SCRIB: variants seen among roughly 807,000 people sequenced by gnomAD.
The protein encoded by SCRIB is protein scribble homolog.
Under a neutral mutation model 170.0 loss-of-function variants are expected in SCRIB, and 72 were observed. The observed-to-expected ratio is 0.42, with a 90% CI of 0.35 to 0.52. SCRIB has a LOEUF of 0.52. Ranked by LOEUF, SCRIB falls within the 20% of genes least tolerant of loss-of-function variation. SCRIB has a pLI of 0.02. For missense variants in SCRIB, 2,475 were observed against 2,338.5 expected (o/e 1.06, Z -1.20); for synonymous variants, 1,298 against 1,044.3 (o/e 1.24, Z -4.68).
At position 143,803,409 on chromosome 8, in the gene SCRIB, C is replaced by G. The variant is rs782149373; in HGVS notation, c.3577G>C (p.Glu1193Gln). 43 of 1,587,608 alleles carry G rather than the reference C, an allele frequency of 2.7e-5. No homozygotes were observed. The South Asian group carries it at 4.0e-4, about 15-fold the overall frequency. The change falls in exon 24 of 37, where the codon GAG (glutamate) becomes CAG (glutamine). Residue 1193 changes from glutamate to glutamine, a missense_variant. Glu to Gln is a conservative substitution (Grantham distance 29). Transcript: ENST00000356994. ...TCCAGGGCTGCGTCGGTGCTGGCCT[C>G]AAAGCCGTCACAGACCAGCACGGTG... Reference protein sequence around the residue: ...TLTVLVCDGFEASTDAALEVS... With the variant: ...TLTVLVCDGFQASTDAALEVS...
intron 35 of SCRIB, 66 bp from the exon 36 acceptor site, chr8:143,791,506 T>G (rs2129976462): frequency 6.3e-7 from 1 of 1,595,956 alleles, no homozygotes; most frequent in East Asian, 2.3e-5. Context: ...GGTGGACGGG[T>G]GGGCTCCCAG....
chr8:143,794,130 C>T (rs1814833670), intron 27 of SCRIB, 168 bp from the exon 28 acceptor site: 7 of 620,726 alleles, frequency 1.1e-5, no homozygotes, highest in Non-Finnish European at 2.0e-5. Context: ...CGGAGGGGCT[C>T]GTCCCCGTTC....
intron 9 of SCRIB, 50 bp from the exon 10 acceptor site, chr8:143,811,395 G>A: frequency 1.3e-6 from 2 of 1,538,392 alleles, no homozygotes; most frequent in Non-Finnish European, 1.8e-6. Context: ...CTGGGGGTGG[G>A]AAGGAGATGA....
Position 143,815,326 on chromosome 8 carries a change from G to A in SCRIB, c.47C>T (p.Ser16Leu), listed in dbSNP as rs1816029750. The change falls in exon 1 of 37, where the codon TCG becomes TTG. Residue 16 changes from serine to leucine, a missense_variant. Ser to Leu is a moderately radical substitution (Grantham distance 145). Coordinates refer to ENST00000356994, the MANE Select transcript of SCRIB (RefSeq NM_182706.5). Reference sequence around the variant, plus strand: ...CAGCGAACAGTGCCGCTTGTCCACCGACTCCACGTGCCGGTTGCAGCGCCA... The same window carrying A: ...CAGCGAACAGTGCCGCTTGTCCACCAACTCCACGTGCCGGTTGCAGCGCCA... ...PLWRCNRHVE[S>L]VDKRHCSLQA... 5 of 1,570,478 alleles carry A rather than the reference G, an allele frequency of 3.2e-6. No homozygotes were observed. In the South Asian group the frequency reaches 5.8e-5, roughly 18 times the overall value.
chr8:143,801,756 C>T (rs782449018), intron 24 of SCRIB, among the ~76,000 whole-genome samples: 1 of 152,222 alleles, frequency 6.6e-6, no homozygotes, highest in Non-Finnish European at 1.5e-5. Flanking sequence ...CTCAGCCCCA[C>T]TGCTCGGGAC....
Position 143,793,000 on chromosome 8 carries a change from G to C in SCRIB, c.3993C>G (p.His1331Gln), listed in dbSNP as rs782172787. Residue 1331 changes from histidine to glutamine, a missense_variant, in exon 29 of 37, where the codon CAC becomes CAG. By Grantham distance (24) the His-to-Gln change is conservative (BLOSUM62 0). Around this residue, in one of 3 missense-constraint regions of SCRIB, gnomAD observed 1,966 missense variants for 1,742.9 expected, o/e 1.13. Coordinates refer to ENST00000356994, the MANE Select transcript of SCRIB (RefSeq NM_182706.5). ...YRAFAAVPTS[H>Q]PPEDAPAQPP... ...CCTGGGCAGGGGCATCCTCAGGCGG[G>C]TGAGAAGTGGGCACGGCCGCGAAGG... 1 of 1,515,022 alleles carries C rather than the reference G, an allele frequency of 6.6e-7. No homozygotes were observed. Among genetic ancestry groups the C allele is most frequent in the African/African-American group, 1.4e-5 (1 of 71,952 alleles). The allele number at this position is 1,515,022 out of a possible 1,614,324, so 93.8% of individuals were successfully genotyped here. A position where few individuals can be genotyped will look rare whatever the true frequency, so the allele number is the denominator to read the frequency against.
At position 143,791,302 on chromosome 8, in the gene SCRIB, T is replaced by G. The variant is rs1554632543; in HGVS notation, c.4829A>C (p.Gln1610Pro). 6.4e-7 allele frequency: 1 copy of G among 1,565,782 alleles called. No individual in the cohort carries two copies. Among genetic ancestry groups the G allele is most frequent in the East Asian group, 2.3e-5 (1 of 43,106 alleles). ...CAGAGCCACTTCTCCATCCTCCTCC[T>G]GCGGGCCTGGAGGGCAGGGACAGGT... Reference protein sequence around the residue: ...SLEPSPSPGPQEEDGEVALVL... With the variant: ...SLEPSPSPGPPEEDGEVALVL... The change falls in exon 37 of 37, where the codon CAG becomes CCG. Residue 1610 changes from glutamine to proline, a missense_variant. By Grantham distance (76) the Gln-to-Pro change is moderately conservative (BLOSUM62 -1). Around this residue, in one of 3 missense-constraint regions of SCRIB, gnomAD observed 1,966 missense variants for 1,742.9 expected, o/e 1.13. Transcript: ENST00000356994.
At chr8:143,810,164 G>A (rs529526176) in intron 13 of SCRIB, among the ~76,000 whole-genome samples, 10 of 152,074 alleles carry the variant, frequency 6.6e-5, no homozygotes, top group African/African-American at 1.2e-4. Flanking sequence ...CCCAGGTGCC[G>A]ATGACACCCA....
In SCRIB at chr8:143,795,132, A is replaced by G. The variant is rs782446200; in HGVS notation, c.3772-20T>C. Reference sequence around the variant, plus strand: ...CCGACCCTGGGGGCAGAGTGAACACAGCACTAGCAGGGGTAGCTCCGTGGC... The same window carrying G: ...CCGACCCTGGGGGCAGAGTGAACACGGCACTAGCAGGGGTAGCTCCGTGGC... On this transcript the variant is annotated intron_variant, in intron 26 of 36. Transcript: ENST00000356994. 50 of 1,608,698 alleles carry G rather than the reference A, an allele frequency of 3.1e-5. No individual in the cohort carries two copies. In the Middle Eastern group the frequency reaches 1.3e-3, roughly 43 times the overall value.
chr8:143,810,258 A>G (rs1347502856), intron 13 of SCRIB, among the ~76,000 whole-genome samples: 1 of 149,014 alleles, frequency 6.7e-6, no homozygotes, highest in Non-Finnish European at 1.5e-5. Flanking sequence ...TTCTCCCCAT[A>G]CTCCAGCCCC....
chr8:143,791,121 G>A lies in SCRIB; in HGVS notation c.*42C>T. 7.2e-7 allele frequency: 1 copy of A among 1,385,362 alleles called. No homozygotes were observed. The highest frequency in any genetic ancestry group is 9.3e-7 in the Non-Finnish European group (1 of 1,070,022). The allele number at this position is 1,385,362 out of a possible 1,614,324, so 85.8% of individuals were successfully genotyped here. Reference sequence around the variant, plus strand: ...TTGGGGCAAGGGTGGTGCTGGAGCTGGCAGGGCCCCCACCCCAAGTCTGGG... The same window carrying A: ...TTGGGGCAAGGGTGGTGCTGGAGCTAGCAGGGCCCCCACCCCAAGTCTGGG... On this transcript the variant is annotated 3_prime_UTR_variant, in exon 37 of 37. Coordinates refer to ENST00000356994, the MANE Select transcript of SCRIB (RefSeq NM_182706.5).
intron 21 of SCRIB, 129 bp downstream of exon 21, chr8:143,804,439 A>T: frequency 1.0e-6 from 1 of 970,092 alleles, no homozygotes; most frequent in Non-Finnish European, 1.5e-6. Context: ...AAGGAGCTGC[A>T]GGGGAAAGGG....
chr8:143,791,923 CAAG>C lies in SCRIB; in HGVS notation c.4658-13_4658-11del. On this transcript the variant is annotated splice_polypyrimidine_tract_variant and intron_variant, in intron 33 of 36. Transcript: ENST00000356994. Reference sequence around the variant, plus strand: ...GTCTGGGGGCCGAGGTCTGGGGGGACAAGAAGCGGGCATTGGAAGCAGCCCATG... The same window carrying C: ...GTCTGGGGGCCGAGGTCTGGGGGGACAAGCGGGCATTGGAAGCAGCCCATG... 1 of 1,513,540 alleles carries C rather than the reference CAAG, an allele frequency of 6.6e-7. No individual in the cohort carries two copies. Among genetic ancestry groups the C allele is most frequent in the Non-Finnish European group, 8.8e-7 (1 of 1,130,460 alleles). The allele number at this position is 1,513,540 out of a possible 1,614,324, so 93.8% of individuals were successfully genotyped here.
rs769507179 is a variant in SCRIB at position 143,813,493 on chromosome 8, C to T, written c.480G>A (p.Glu160=). Residue 160 remains glutamate (E), a synonymous_variant, in exon 5 of 37, where the codon GAG becomes GAA. Transcript: ENST00000356994. Reference sequence around the variant, plus strand: ...ACGCTGGCAGGGACTTGAGCAGGTTCTCCCGGAGCTCCAGGGTCACCAGGT... The same window carrying T: ...ACGCTGGCAGGGACTTGAGCAGGTTTTCCCGGAGCTCCAGGGTCACCAGGT... ...LANLVTLELR[E]NLLKSLPASL... The T allele has an allele frequency of 1.2e-6, 2 of 1,613,104 alleles. No individual in the cohort carries two copies. Among genetic ancestry groups the T allele is most frequent in the African/African-American group, 2.7e-5 (2 of 74,944 alleles).
chr8:143,804,850 G>A lies in SCRIB; in HGVS notation c.2752-25C>T, dbSNP rs782452644. The A allele has an allele frequency of 3.7e-6, 5 of 1,346,260 alleles. No homozygotes were observed. In the African/African-American group the frequency reaches 5.9e-5, roughly 16 times the overall value. The allele number at this position is 1,346,260 out of a possible 1,614,324, so 83.4% of individuals were successfully genotyped here. A position where few individuals can be genotyped will look rare whatever the true frequency, so the allele number is the denominator to read the frequency against. ...TCTGTGAGAGCGTGCCCGAATCAGGGAGGCCCAAGGGCAGAAGGGGACAGA... is the reference window on the plus strand; with the variant it reads ...TCTGTGAGAGCGTGCCCGAATCAGGAAGGCCCAAGGGCAGAAGGGGACAGA... On this transcript the variant is annotated intron_variant, in intron 20 of 36. Coordinates refer to ENST00000356994, the MANE Select transcript of SCRIB (RefSeq NM_182706.5).
chr8:143,809,644 C>G lies in SCRIB; in HGVS notation c.1605G>C (p.Glu535Asp). Residue 535 changes from glutamate to aspartate, a missense_variant, in exon 14 of 37, where the codon GAG (glutamate) becomes GAC (aspartate). By Grantham distance (45) the Glu-to-Asp change is conservative. Coordinates refer to ENST00000356994, the MANE Select transcript of SCRIB (RefSeq NM_182706.5). ...RPSASTVSEA[E>D]PEGPSAEAQG... ...GTGCCTCAGCCGACGGGCCCTCGGG[C>G]TCAGCCTCAGAGACTGTGCTGGCAG... 6.2e-7 allele frequency: 1 copy of G among 1,611,258 alleles called. No individual in the cohort carries two copies. The highest frequency in any genetic ancestry group is 8.5e-7 in the Non-Finnish European group (1 of 1,179,940).
chr8:143,810,087 A>G (rs1020955904), intron 13 of SCRIB, among the ~76,000 whole-genome samples: 1 of 151,724 alleles, frequency 6.6e-6, no homozygotes, highest in Non-Finnish European at 1.5e-5. Context: ...CCAAAAACCC[A>G]CAGCACGCAT....
intron 13 of SCRIB, among the ~76,000 whole-genome samples, 185 bp from the exon 14 acceptor site, chr8:143,809,903 G>A (rs968107594): frequency 6.6e-6 from 1 of 152,184 alleles, no homozygotes; most frequent in African/African-American, 2.4e-5. Context: ...CGCCTCCAAA[G>A]CCTAGGGTGG....
Position 143,791,232 on chromosome 8 carries a change from A to G in SCRIB, c.4899T>C (p.Asp1633=). ...RPSPGAVGPE[D]VALCSSRRPV... Reference sequence around the variant, plus strand: ...GGCGGCGGCTGCTGCACAGTGCCACATCTTCAGGGCCCACAGCGCCGGGTG... The same window carrying G: ...GGCGGCGGCTGCTGCACAGTGCCACGTCTTCAGGGCCCACAGCGCCGGGTG... The change falls in exon 37 of 37, where the codon GAT becomes GAC. Residue 1633 remains aspartate, a synonymous_variant. Coordinates refer to ENST00000356994, the MANE Select transcript of SCRIB (RefSeq NM_182706.5). 1 of 1,483,374 alleles carries G rather than the reference A, an allele frequency of 6.7e-7. No individual in the cohort carries two copies. Among genetic ancestry groups the G allele is most frequent in the Non-Finnish European group, 9.0e-7 (1 of 1,115,658 alleles). 91.9% of individuals were successfully genotyped at this position (1,483,374 alleles called of 1,614,324 possible).
Sources: allele counts gnomAD v4.1 joint callset (sites outside exome capture counted in the v4.1 genomes callset), GRCh38; gene constraint gnomAD v4.1.1; regional missense constraint gnomAD v4.1.1; transcripts MANE v1.5; gene names NCBI Gene and HGNC (gene_info 2026-07-23, HGNC 2026-07-21).